Variants in MARCHF5 observed in about 807,000 individuals in gnomAD.
MARCHF5 encodes E3 ubiquitin-protein ligase MARCHF5.
A neutral mutation model predicts 36.5 loss-of-function variants in MARCHF5; 5 were observed. The observed-to-expected ratio is 0.14, with a 90% CI of 0.07 to 0.29. The LOEUF (loss-of-function observed/expected upper bound fraction) is 0.29, where lower values mean the gene tolerates loss of function less well. Ranked by LOEUF, MARCHF5 falls within the 10% of genes least tolerant of loss-of-function variation. The probability of loss-of-function intolerance (pLI) is 1.00; values close to 1 mark genes in which losing one functional copy is unlikely to be tolerated. For missense variants in MARCHF5, 179 were observed against 336.3 expected (o/e 0.53, Z 3.66); for synonymous variants, 103 against 109.9 (o/e 0.94, Z 0.39).
At chr10:92,334,934 G>C (rs1564951759) in intron 2 of MARCHF5, among the ~76,000 whole-genome samples, 1 of 152,080 alleles carries the variant, frequency 6.6e-6, no homozygotes, top group Admixed American at 6.5e-5. Context: ...CTAATTCCAA[G>C]CTTCTCTGGT....
In MARCHF5 at chr10:92,349,458, G is replaced by A. The variant is rs1173371985; in HGVS notation, c.479G>A (p.Arg160His). Residue 160 changes from arginine (R) to histidine (H), a missense_variant, in exon 4 of 6, where the codon CGC (arginine) becomes CAC (histidine). Coordinates refer to ENST00000358935, the MANE Select transcript of MARCHF5 (RefSeq NM_017824.5). ...PVMLILGKMI[R>H]WEDYVLRLWR... ...ATGCTGATATTAGGCAAGATGATTC[G>A]CTGGGAGGACTATGTGCTTAGACTG... 3 of 1,614,042 alleles carry A rather than the reference G, an allele frequency of 1.9e-6. No homozygotes were observed. The highest frequency in any genetic ancestry group is 2.2e-5 in the East Asian group (1 of 44,874).
chr10:92,322,103 G>A (rs1012145180), intron 2 of MARCHF5, among the ~76,000 whole-genome samples: 16 of 151,566 alleles, frequency 1.1e-4, no homozygotes, highest in African/African-American at 3.9e-4. Context: ...AATTAGCCGG[G>A]CATGGTGGCG....
chr10:92,291,688 G>T, intron 1 of MARCHF5, 159 bp downstream of exon 1: 2 of 693,366 alleles, frequency 2.9e-6, no homozygotes, highest in Non-Finnish European at 3.6e-6. Context: ...GTCTAGACCT[G>T]GGGGAGGACA....
chr10:92,308,564 C>CTAA (rs1205930486), intron 1 of MARCHF5: 1 of 152,152 alleles, frequency 6.6e-6, no homozygotes, highest in African/African-American at 2.4e-5. Context: ...TCACATGCCT[C>CTAA]TAATACTGCT....
chr10:92,338,719 A>G (rs1843535705), intron 2 of MARCHF5, among the ~76,000 whole-genome samples: 1 of 152,240 alleles, frequency 6.6e-6, no homozygotes, highest in Admixed American at 6.5e-5. Flanking sequence ...AGTCTTGATC[A>G]GAGGCTCCAT....
At chr10:92,324,549 A>C (rs1843331254) in intron 2 of MARCHF5, among the ~76,000 whole-genome samples, 1 of 152,078 alleles carries the variant, frequency 6.6e-6, no homozygotes, top group Admixed American at 6.6e-5. Context: ...TTTTTAGTAG[A>C]GACAGGGTTT....
intron 1 of MARCHF5, 112 bp downstream of exon 1, chr10:92,291,641 A>G: frequency 7.1e-7 from 1 of 1,409,476 alleles, no homozygotes; most frequent in Non-Finnish European, 9.2e-7. Context: ...GAGGAGTTCC[A>G]CGGCCAGGGG....
At chr10:92,302,086 A>C (rs897296352) in intron 1 of MARCHF5, among the ~76,000 whole-genome samples, 4 of 152,200 alleles carry the variant, frequency 2.6e-5, no homozygotes, top group Admixed American at 2.6e-4. Flanking sequence ...ATGCAGTGTA[A>C]ATGCTATGCA....
At position 92,353,270 on chromosome 10, in the gene MARCHF5, A is replaced by G. The variant is rs1843738379; in HGVS notation, c.*2063A>G. The stretch of plus-strand genomic sequence containing the variant: ...AATACCACATGCCAGTCTTCCCAGG[A>G]AGGTGACCTGCCTGACCATGAAGCA... On this transcript the variant is annotated 3_prime_UTR_variant, in exon 6 of 6. Transcript: ENST00000358935. The G allele has an allele frequency of 6.6e-6, 1 of 152,198 alleles. No individual in the cohort carries two copies. Among genetic ancestry groups the G allele is most frequent in the South Asian group, 2.1e-4 (1 of 4,820 alleles). 9.4% of individuals were successfully genotyped at this position (152,198 alleles called of 1,614,324 possible).
In MARCHF5 at chr10:92,352,792, G is replaced by C. The variant is rs1329575854; in HGVS notation, c.*1585G>C. The C allele has an allele frequency of 6.6e-6, 1 of 152,566 alleles. No homozygotes were observed. The highest frequency in any genetic ancestry group is 2.1e-4 in the South Asian group (1 of 4,828). 9.5% of individuals were successfully genotyped at this position (152,566 alleles called of 1,614,324 possible). A position where few individuals can be genotyped will look rare whatever the true frequency, so the allele number is the denominator to read the frequency against. ...CAAATTTGTATTATTTGGAGATGAAGATTTGACTAACAGTGAGCCTTATTA... is the reference window on the plus strand; with the variant it reads ...CAAATTTGTATTATTTGGAGATGAACATTTGACTAACAGTGAGCCTTATTA... On this transcript the variant is annotated 3_prime_UTR_variant, in exon 6 of 6. Transcript: ENST00000358935.
chr10:92,315,904 G>A (rs545298983), intron 2 of MARCHF5, among the ~76,000 whole-genome samples: 7 of 152,292 alleles, frequency 4.6e-5, no homozygotes, highest in African/African-American at 1.7e-4. Context: ...TCCTTAGAAT[G>A]TAACAGCAAT....
intron 1 of MARCHF5, among the ~76,000 whole-genome samples, chr10:92,298,242 A>G (rs181942988): frequency 1.2e-4 from 19 of 152,310 alleles, no homozygotes; most frequent in African/African-American, 4.6e-4. Flanking sequence ...CATTTTCTTC[A>G]GGACTTTTTA....
intron 3 of MARCHF5, among the ~76,000 whole-genome samples, chr10:92,342,376 G>A (rs528566982): frequency 6.4e-4 from 98 of 152,134 alleles, no homozygotes; most frequent in African/African-American, 2.2e-3. Context: ...TCAACCTCCT[G>A]GCCTCAAGTG....
chr10:92,329,460 G>C (rs1843411827), intron 2 of MARCHF5, among the ~76,000 whole-genome samples: 1 of 152,016 alleles, frequency 6.6e-6, no homozygotes, highest in African/African-American at 2.4e-5. Context: ...AATTTTATGG[G>C]GGTTTTATAT....
chr10:92,303,450 GTTTCT>G (rs1306499027), intron 1 of MARCHF5, among the ~76,000 whole-genome samples: 3 of 151,808 alleles, frequency 2.0e-5, no homozygotes, highest in Admixed American at 6.6e-5. Context: ...GTTTCATCCT[GTTTCT>G]TGGTCTCTCA....
In MARCHF5 at chr10:92,351,246, T is replaced by C; in HGVS notation, c.*39T>C. ...TTGTTCTGCAGTTCTCTCATCCTTA[T>C]GAATCTGTTGTGTTGTTTTGATTCC... is the stretch of plus-strand genomic sequence containing the variant. On this transcript the variant is annotated 3_prime_UTR_variant, in exon 6 of 6. Transcript: ENST00000358935. 8.1e-7 allele frequency: 1 copy of C among 1,235,538 alleles called. No individual in the cohort carries two copies. The allele number at this position is 1,235,538 out of a possible 1,614,324, so 76.5% of individuals were successfully genotyped here. A position where few individuals can be genotyped will look rare whatever the true frequency, so the allele number is the denominator to read the frequency against.
intron 2 of MARCHF5, among the ~76,000 whole-genome samples, chr10:92,340,291 G>A (rs1843564440): frequency 6.6e-6 from 1 of 152,184 alleles, no homozygotes; most frequent in Non-Finnish European, 1.5e-5. Context: ...CTGTTTACGA[G>A]AATTTATGAA....
chr10:92,299,276 T>C (rs1444321712), intron 1 of MARCHF5, among the ~76,000 whole-genome samples: 1 of 152,198 alleles, frequency 6.6e-6, no homozygotes, highest in Non-Finnish European at 1.5e-5. Flanking sequence ...AATCATGCGA[T>C]TTCTATACTT....
intron 1 of MARCHF5, among the ~76,000 whole-genome samples, chr10:92,293,608 TAA>T (rs771787448): frequency 2.4e-4 from 30 of 126,574 alleles, no homozygotes; most frequent in Admixed American, 2.4e-4. Flanking sequence ...CTGTCTCTAC[TAA>T]AAAAAAAAAA....
Sources: allele counts gnomAD v4.1 joint callset (sites outside exome capture counted in the v4.1 genomes callset), GRCh38; gene constraint gnomAD v4.1.1; transcripts MANE v1.5; gene names NCBI Gene and HGNC (gene_info 2026-07-23, HGNC 2026-07-21).